The following DTNBP1 variants were observed in gnomAD, a reference collection of about 807,000 sequenced individuals.
The protein encoded by DTNBP1 is dystrobrevin binding protein 1.
In DTNBP1, 35 loss-of-function variants were observed where a neutral mutation model predicts 42.8. That is an observed-to-expected ratio of 0.82 (90% CI 0.63 to 1.09). The LOEUF (loss-of-function observed/expected upper bound fraction) is 1.09, where lower values mean the gene tolerates loss of function less well. Ranked by LOEUF, DTNBP1 falls within the 50% of genes least tolerant of loss-of-function variation. The probability of loss-of-function intolerance (pLI) is 0.00; values close to 1 mark genes in which losing one functional copy is unlikely to be tolerated. For missense variants in DTNBP1, 457 were observed against 424.2 expected (o/e 1.08, Z -0.68); for synonymous variants, 171 against 162.2 (o/e 1.05, Z -0.41).
chr6:15,531,987 G>T (rs148484544), intron 8 of DTNBP1, among the ~76,000 whole-genome samples: 1 of 152,334 alleles, frequency 6.6e-6, no homozygotes, highest in East Asian at 1.9e-4. Flanking sequence ...TGGATGACAA[G>T]GAAGAAACAC....
chr6:15,546,331 C>T (rs1773881613), intron 7 of DTNBP1, among the ~76,000 whole-genome samples: 1 of 152,016 alleles, frequency 6.6e-6, no homozygotes, highest in Admixed American at 6.6e-5. Flanking sequence ...TCCCAAAGTG[C>T]TGGGTTTACA....
chr6:15,568,461 C>T (rs1775194820), intron 7 of DTNBP1, among the ~76,000 whole-genome samples: 1 of 152,124 alleles, frequency 6.6e-6, no homozygotes, highest in South Asian at 2.1e-4. Flanking sequence ...TTTTAGAAGT[C>T]TCGGACACAA....
chr6:15,608,125 A>G (rs971368662), intron 6 of DTNBP1, among the ~76,000 whole-genome samples: 4 of 152,178 alleles, frequency 2.6e-5, no homozygotes, highest in African/African-American at 9.7e-5. Flanking sequence ...CCATCTCCCC[A>G]GCAAGTTTTA....
chr6:15,522,976 T>G lies in DTNBP1; in HGVS notation c.1055A>C (p.Ter352SerextTer29). ...TPDGGEDSDS[*>S] ...GCCAGACAACGCCCATGTCCCAATT[T>G]AAGAGTCGCTGTCCTCACCACCATC... The change falls in exon 10 of 10, where the codon TAA (stop) becomes TCA (serine). Residue 352 changes from the stop codon to serine (S), a stop_lost. Transcript: ENST00000344537. 6.2e-7 allele frequency: 1 copy of G among 1,614,218 alleles called. No homozygotes were observed. The highest frequency in any genetic ancestry group is 1.1e-5 in the South Asian group (1 of 91,080).
chr6:15,636,511 C>T (rs1760033191), intron 4 of DTNBP1, among the ~76,000 whole-genome samples: 1 of 152,090 alleles, frequency 6.6e-6, no homozygotes, highest in African/African-American at 2.4e-5. Context: ...ACTTAGAACC[C>T]CATACTCCTA....
chr6:15,613,151 T>C (rs1758509089), intron 6 of DTNBP1, among the ~76,000 whole-genome samples: 1 of 151,080 alleles, frequency 6.6e-6, no homozygotes, highest in African/African-American at 2.4e-5. Context: ...CTACTAAAAA[T>C]AAAAAAAATT....
At position 15,596,024 on chromosome 6, in the gene DTNBP1, T is replaced by C. The variant is rs189750573; in HGVS notation, c.489-2943A>G. Among the ~76,000 whole-genome samples, 4 of 152,168 alleles carry C rather than the reference T, an allele frequency of 2.6e-5. No individual in the cohort carries two copies. The East Asian group carries it at 7.7e-4, about 29-fold the overall frequency. ...CAAGGGAGAGAATAAAAGCAGTGAG[T>C]ACACAGGAAACTCACGTTGGGGGCA... is the stretch of plus-strand genomic sequence containing the variant. On this transcript the variant is annotated intron_variant, in intron 6 of 9. Transcript: ENST00000344537.
rs77440225 is a variant in DTNBP1 at position 15,640,258 on chromosome 6, C to G, written c.162-2454G>C. ...TGAAGTACACACAGCAGGTATTACA[C>G]ATCTCATGCCGCCTTGAAACTCATC... On this transcript the variant is annotated intron_variant, in intron 3 of 9. Transcript: ENST00000344537. Among the ~76,000 whole-genome samples, 11 of 152,332 alleles carry G rather than the reference C, an allele frequency of 7.2e-5. No individual in the cohort carries two copies. In the East Asian group the frequency reaches 2.1e-3, roughly 29 times the overall value.
At chr6:15,611,975 G>A (rs573103524) in intron 6 of DTNBP1, among the ~76,000 whole-genome samples, 2 of 152,366 alleles carry the variant, frequency 1.3e-5, no homozygotes, top group South Asian at 4.1e-4. Context: ...CAGCAGCAAT[G>A]TTTGAGAGGA....
rs368994656 is a variant in DTNBP1, at chr6:15,662,814, C to T, written c.56G>A (p.Gly19Glu). The change falls in exon 1 of 10, where the codon GGG becomes GAG. Residue 19 changes from glycine (G) to glutamate (E), a missense_variant and splice_region_variant. Coordinates refer to ENST00000344537, the MANE Select transcript of DTNBP1 (RefSeq NM_032122.5). ...LLSVQQDFTS[G>E]LKTLSDKSRE... Reference sequence around the variant, plus strand: ...TTTTCGTCGCCCACCGTATACCCACCCGGAGGTGAAATCCTGCTGCACGCT... The same window carrying T: ...TTTTCGTCGCCCACCGTATACCCACTCGGAGGTGAAATCCTGCTGCACGCT... The T allele has an allele frequency of 1.9e-6, 3 of 1,611,840 alleles. No homozygotes were observed. The highest frequency in any genetic ancestry group is 2.5e-6 in the Non-Finnish European group (3 of 1,179,570).
chr6:15,535,817 G>A (rs1773196340), intron 7 of DTNBP1, among the ~76,000 whole-genome samples: 1 of 152,206 alleles, frequency 6.6e-6, no homozygotes, highest in African/African-American at 2.4e-5. Context: ...GAGACTTGTG[G>A]AATGGTTTCA....
At chr6:15,546,837 C>T (rs565804856) in intron 7 of DTNBP1, among the ~76,000 whole-genome samples, 1 of 152,140 alleles carries the variant, frequency 6.6e-6, no homozygotes, top group Non-Finnish European at 1.5e-5. Flanking sequence ...TTTGAAAATG[C>T]TCTTCAGTGA....
At chr6:15,530,295 T>TC in intron 8 of DTNBP1, among the ~76,000 whole-genome samples, 1 of 152,274 alleles carries the variant, frequency 6.6e-6, no homozygotes, top group Non-Finnish European at 1.5e-5. Flanking sequence ...GATGCCCGAT[T>TC]CCCGTGTGTG....
chr6:15,630,725 G>T (rs746659554), intron 4 of DTNBP1, among the ~76,000 whole-genome samples: 3 of 152,100 alleles, frequency 2.0e-5, no homozygotes, highest in Non-Finnish European at 4.4e-5. Flanking sequence ...AGACCATCCT[G>T]GCCAACATGG....
chr6:15,633,475 C>T (rs1178310149), intron 4 of DTNBP1, among the ~76,000 whole-genome samples: 1 of 151,998 alleles, frequency 6.6e-6, no homozygotes, highest in Non-Finnish European at 1.5e-5. Flanking sequence ...TTGAGGGGTT[C>T]AAGGCTTCAG....
intron 6 of DTNBP1, among the ~76,000 whole-genome samples, chr6:15,593,302 G>T (rs1281339569): frequency 6.6e-6 from 1 of 152,166 alleles, no homozygotes; most frequent in Non-Finnish European, 1.5e-5. Context: ...GCTCAAAAAA[G>T]TTCCACCAGA....
intron 7 of DTNBP1, among the ~76,000 whole-genome samples, chr6:15,560,034 G>A (rs1467658161): frequency 3.3e-5 from 5 of 152,126 alleles, no homozygotes; most frequent in African/African-American, 9.7e-5. Context: ...GGGGCCAGGC[G>A]CAGTGGCTCA....
At chr6:15,532,111 AT>A (rs1233122491) in intron 8 of DTNBP1, among the ~76,000 whole-genome samples, 2 of 151,786 alleles carry the variant, frequency 1.3e-5, no homozygotes, top group African/African-American at 4.9e-5. Context: ...CCAGAAGATG[AT>A]GAGACGTTCA....
chr6:15,591,642 C>T (rs1776303005), intron 7 of DTNBP1, among the ~76,000 whole-genome samples: 2 of 152,150 alleles, frequency 1.3e-5, no homozygotes, highest in Non-Finnish European at 2.9e-5. Context: ...ATATACAACA[C>T]TACCTAACCT....
Sources: gnomAD v4.1 joint callset for allele counts (sites outside exome capture counted in the v4.1 genomes callset) on GRCh38, gnomAD v4.1.1 for gene constraint, MANE v1.5 for transcripts, NCBI Gene and HGNC (gene_info 2026-07-23, HGNC 2026-07-21) for gene names.